The following NALCN variants were observed in gnomAD, a reference collection of about 807,000 sequenced individuals.
NALCN encodes sodium leak channel, non-selective, also known as sodium leak channel NALCN.
In NALCN, 111 loss-of-function variants were observed where a neutral mutation model predicts 225.3. The ratio of observed to expected loss-of-function variants is 0.49; its 90% CI spans 0.42 to 0.58. NALCN has a LOEUF of 0.58. Among genes scored for constraint, NALCN ranks in the 20% least tolerant of loss-of-function variants. NALCN has a pLI of 0.00. For synonymous variants in NALCN, 764 were observed against 769.0 expected (o/e 0.99, Z 0.11); for missense variants, 1,378 against 2,202.4 (o/e 0.63, Z 7.49).
At chr13:101,289,484 C>G (rs914221290) in intron 9 of NALCN, among the ~76,000 whole-genome samples, 3 of 150,496 alleles carry the variant, frequency 2.0e-5, no homozygotes, top group African/African-American at 7.3e-5. Flanking sequence ...TAGTGAGCTG[C>G]CTAATATAAC....
In NALCN at chr13:101,099,075, A is replaced by G. The variant is rs80112174; in HGVS notation, c.3162+1709T>C. On this transcript the variant is annotated intron_variant, in intron 27 of 43. Coordinates refer to ENST00000251127, the MANE Select transcript of NALCN (RefSeq NM_052867.4). ...TCACCATGCTCTTAGGCCACTGTTA[A>G]TATACTGAGTCATCCAAGATTCCTA... is the stretch of plus-strand genomic sequence containing the variant. 6.7e-3 allele frequency among the ~76,000 whole-genome samples: 930 copies of G among 138,762 alleles called. 85 individuals are homozygous for G. Among genetic ancestry groups the G allele is most frequent in the African/African-American group, 0.029 (873 of 29,608 alleles). The allele number at this position is 138,762 out of a possible 152,430, so 91.0% of individuals were successfully genotyped here.
chr13:101,330,238 T>C (rs1378118385), intron 7 of NALCN, among the ~76,000 whole-genome samples: 4 of 152,148 alleles, frequency 2.6e-5, no homozygotes, highest in African/African-American at 2.4e-5. Flanking sequence ...CAAAGCTACA[T>C]GAGCAAACTA....
intron 17 of NALCN, among the ~76,000 whole-genome samples, chr13:101,140,864 T>C (rs1039601591): frequency 2.0e-5 from 3 of 152,136 alleles, no homozygotes; most frequent in African/African-American, 7.2e-5. Flanking sequence ...TTCAAGGCTA[T>C]AGTGCACTAT....
At chr13:101,108,920 G>T (rs1272147626) in intron 20 of NALCN, among the ~76,000 whole-genome samples, 1 of 152,198 alleles carries the variant, frequency 6.6e-6, no homozygotes, top group Non-Finnish European at 1.5e-5. Context: ...GAAATGATCA[G>T]AACCCCATGG....
chr13:101,222,731 A>G (rs1182334033), intron 13 of NALCN, among the ~76,000 whole-genome samples: 1 of 152,184 alleles, frequency 6.6e-6, no homozygotes, highest in East Asian at 1.9e-4. Context: ...TAATACACCA[A>G]TTCTAAATAT....
intron 12 of NALCN, among the ~76,000 whole-genome samples, chr13:101,237,109 TAAC>T (rs1002041359): frequency 6.6e-6 from 1 of 151,838 alleles, no homozygotes; most frequent in African/African-American, 2.4e-5. Context: ...TATTCAATAA[TAAC>T]AAAGAATGTA....
chr13:101,407,762 T>C (rs1380558440), intron 1 of NALCN, among the ~76,000 whole-genome samples: 1 of 152,208 alleles, frequency 6.6e-6, no homozygotes, highest in Non-Finnish European at 1.5e-5. Flanking sequence ...GGTGAAGCAT[T>C]TGACTTTCAC....
intron 7 of NALCN, among the ~76,000 whole-genome samples, chr13:101,311,405 G>A (rs988704562): frequency 1.6e-4 from 24 of 151,010 alleles, no homozygotes; most frequent in African/African-American, 5.7e-4. Context: ...ATGTTGAATA[G>A]GAGTGGTGAG....
intron 10 of NALCN, among the ~76,000 whole-genome samples, chr13:101,268,165 G>A (rs938963618): frequency 5.3e-5 from 8 of 152,184 alleles, no homozygotes; most frequent in African/African-American, 1.9e-4. Flanking sequence ...ACATAGACAT[G>A]TATGACATGT....
chr13:101,374,787 C>A (rs540376935), intron 6 of NALCN, among the ~76,000 whole-genome samples: 109 of 152,242 alleles, frequency 7.2e-4, no homozygotes, highest in African/African-American at 2.4e-3. Flanking sequence ...CACGTGGAAA[C>A]AAAATCTCTA....
intron 22 of NALCN, among the ~76,000 whole-genome samples, chr13:101,105,629 C>T (rs114748650): frequency 0.016 from 1,624 of 99,756 alleles, 23 homozygotes; most frequent in African/African-American, 0.049. Context: ...CAGGATAATT[C>T]AAGATAAAAA....
rs993860923 is a variant in NALCN at position 101,080,590 on chromosome 13, TAATTATTA to T, written c.3885+929_3885+936del. Among the ~76,000 whole-genome samples the T allele has an allele frequency of 7.2e-5, 10 of 138,246 alleles. No homozygotes were observed. In the Admixed American group the frequency reaches 7.3e-4, roughly 10 times the overall value. 90.7% of individuals were successfully genotyped at this position (138,246 alleles called of 152,430 possible). ...ATAACCAAATAATTATATAATTAAATAATTATTAAATTAATTATATAATCAATTAAATT... is the reference window on the plus strand; with the variant it reads ...ATAACCAAATAATTATATAATTAAATAATTAATTATATAATCAATTAAATT... On this transcript the variant is annotated intron_variant, in intron 34 of 43. Transcript: ENST00000251127.
At chr13:101,276,018 C>A (rs1282313689) in intron 10 of NALCN, among the ~76,000 whole-genome samples, 6 of 136,286 alleles carry the variant, frequency 4.4e-5, no homozygotes, top group Non-Finnish European at 9.2e-5. Context: ...GAGCCGAGAT[C>A]GCACCAATGC....
chr13:101,231,997 CTTTT>C (rs35977237), intron 12 of NALCN, among the ~76,000 whole-genome samples: 2 of 139,466 alleles, frequency 1.4e-5, no homozygotes, highest in Admixed American at 7.2e-5. Context: ...TGTTCTATTT[CTTTT>C]TTTTTTTTTT....
intron 17 of NALCN, among the ~76,000 whole-genome samples, chr13:101,129,314 G>A (rs1219609250): frequency 2.0e-5 from 3 of 152,134 alleles, no homozygotes. Flanking sequence ...TTTAAAAAAT[G>A]TCATTATGAA....
chr13:101,313,815 A>G (rs1354344885), intron 7 of NALCN, among the ~76,000 whole-genome samples: 1 of 152,148 alleles, frequency 6.6e-6, no homozygotes, highest in East Asian at 1.9e-4. Context: ...TACTGGGTAT[A>G]TACCCAAAGG....
intron 7 of NALCN, among the ~76,000 whole-genome samples, chr13:101,333,374 T>C (rs1035865022): frequency 4.6e-5 from 7 of 152,220 alleles, no homozygotes; most frequent in Non-Finnish European, 1.0e-4. Context: ...TTTTAGTATA[T>C]TTAGAATATT....
At chr13:101,115,507 C>T (rs1273309639) in intron 18 of NALCN, among the ~76,000 whole-genome samples, 1 of 152,096 alleles carries the variant, frequency 6.6e-6, no homozygotes, top group Non-Finnish European at 1.5e-5. Context: ...TTTGAGACTT[C>T]CAATATTTTA....
At chr13:101,143,781 T>A (rs1012539551) in intron 16 of NALCN, among the ~76,000 whole-genome samples, 1 of 152,166 alleles carries the variant, frequency 6.6e-6, no homozygotes, top group African/African-American at 2.4e-5. Context: ...TTGAATCTTA[T>A]TGTGGTAATA....
Sources: allele counts gnomAD v4.1 joint callset (sites outside exome capture counted in the v4.1 genomes callset), GRCh38; gene constraint gnomAD v4.1.1; transcripts MANE v1.5; gene names NCBI Gene and HGNC (gene_info 2026-07-23, HGNC 2026-07-21).